The following TNRC6C variants were observed in gnomAD, a reference collection of about 807,000 sequenced individuals.
TNRC6C encodes the protein trinucleotide repeat containing adaptor 6C, also known as trinucleotide repeat-containing gene 6C protein.
Under a neutral mutation model 153.7 loss-of-function variants are expected in TNRC6C, and 20 were observed. The observed-to-expected ratio is 0.13, with a 90% confidence interval of 0.09 to 0.19. The LOEUF (loss-of-function observed/expected upper bound fraction) is 0.19. Ranked by LOEUF, TNRC6C falls within the 10% of genes least tolerant of loss-of-function variation. The probability of loss-of-function intolerance (pLI) is 1.00; values close to 1 mark genes in which losing one functional copy is unlikely to be tolerated. For missense variants in TNRC6C, 1,987 were observed against 2,172.0 expected (o/e 0.91, Z 1.69); for synonymous variants, 811 against 841.4 (o/e 0.96, Z 0.63).
At chr17:78,071,359 C>T (rs1480454932) in intron 6 of TNRC6C, among the ~76,000 whole-genome samples, 194 bp downstream of exon 8, 1 of 152,132 alleles carries the variant, frequency 6.6e-6, no homozygotes, top group Admixed American at 6.5e-5. Context: ...CTTTGAACTA[C>T]AGCAAAGACC....
In TNRC6C at chr17:78,086,926, T is replaced by C. The variant is rs2144504470; in HGVS notation, c.3635T>C (p.Val1212Ala). 7 of 1,612,680 alleles carry C rather than the reference T, an allele frequency of 4.3e-6. No individual in the cohort carries two copies. In the South Asian group the frequency reaches 6.6e-5, roughly 15 times the overall value. The stretch of plus-strand genomic sequence containing the variant: ...CGCCAGCTGGCCCAGGCCCTGCTCG[T>C]GAAGCAGCCACCACCGCCACCGCCC... The change falls in exon 13 of 20, where the codon GTG becomes GCG. Residue 1212 changes from valine (V) to alanine (A), a missense_variant. Transcript: ENST00000301624.
At chr17:77,962,500 A>C (rs2070869466) in intron 1 of TNRC6C, among the ~76,000 whole-genome samples, 1 of 152,234 alleles carries the variant, frequency 6.6e-6, no homozygotes. Flanking sequence ...ACCAAGAGCA[A>C]CTGAAGCTGG....
chr17:77,991,283 T>C (rs1019697072), intron 1 of TNRC6C, among the ~76,000 whole-genome samples: 16 of 152,194 alleles, frequency 1.1e-4, no homozygotes, highest in Non-Finnish European at 4.4e-5. Context: ...CAAACCCAAA[T>C]TTGTATGTGT....
At chr17:77,961,578 A>G (rs1860107067) in intron 1 of TNRC6C, among the ~76,000 whole-genome samples, 1 of 152,184 alleles carries the variant, frequency 6.6e-6, no homozygotes. Flanking sequence ...AACCTGGAGT[A>G]TATGTAAGTG....
intron 1 of TNRC6C, among the ~76,000 whole-genome samples, chr17:77,990,482 C>G (rs1326777051): frequency 6.6e-6 from 1 of 152,188 alleles, no homozygotes; most frequent in Non-Finnish European, 1.5e-5. Context: ...TGCCGTTTCT[C>G]AAACATCCTG....
exon 2 of TNRC6C, chr17:78,031,619 A>T: frequency 8.1e-7 from 1 of 1,232,492 alleles, no homozygotes; most frequent in Non-Finnish European, 1.0e-6. Flanking sequence ...GCAAACGTGC[A>T]TCTGCCAGTG....
At chr17:77,982,522 A>G (rs1315983737) in intron 1 of TNRC6C, among the ~76,000 whole-genome samples, 1 of 152,224 alleles carries the variant, frequency 6.6e-6, no homozygotes, top group Non-Finnish European at 1.5e-5. Flanking sequence ...ACAAAAAAGA[A>G]AAAAGGATCA....
intron 16 of TNRC6C, among the ~76,000 whole-genome samples, chr17:78,094,440 C>CT (rs199858938): frequency 0.055 from 7,544 of 136,904 alleles, 273 homozygotes; most frequent in African/African-American, 0.11. Flanking sequence ...TCTTTTGTTT[C>CT]TTTTTTTTTT....
chr17:78,068,754 C>T (rs1567949576), intron 5 of TNRC6C, among the ~76,000 whole-genome samples: 1 of 152,026 alleles, frequency 6.6e-6, no homozygotes, highest in Non-Finnish European at 1.5e-5. Flanking sequence ...GAGCCAAGAT[C>T]GCCTCACTGC....
intron 1 of TNRC6C, among the ~76,000 whole-genome samples, chr17:77,966,840 A>G (rs1325879044): frequency 1.3e-5 from 2 of 152,252 alleles, no homozygotes; most frequent in Non-Finnish European, 2.9e-5. Context: ...TCCCAGGTAT[A>G]TAGTAAATTT....
chr17:77,963,645 A>G (rs1222208996), intron 1 of TNRC6C, among the ~76,000 whole-genome samples: 1 of 152,186 alleles, frequency 6.6e-6, no homozygotes, highest in Non-Finnish European at 1.5e-5. Flanking sequence ...CAGCCATAAA[A>G]CATCACTGCT....
exon 20 of TNRC6C, chr17:78,105,608 T>TACAC (rs1486557177): frequency 6.6e-6 from 1 of 151,846 alleles, no homozygotes; most frequent in Non-Finnish European, 1.5e-5. Flanking sequence ...AGCCTACGTG[T>TACAC]GTGTATGTGT....
intron 5 of TNRC6C, 42 bp from the exon 8 acceptor site, chr17:78,071,043 A>C: frequency 6.5e-7 from 1 of 1,548,562 alleles, no homozygotes; most frequent in Non-Finnish European, 8.8e-7. Context: ...ATGCATTAAA[A>C]TGTAGCTCAT....
At chr17:78,000,187 A>G (rs186180490), upstream of TNRC6C, among the ~76,000 whole-genome samples, 6 of 152,292 alleles carry the variant, frequency 3.9e-5, no homozygotes, top group African/African-American at 1.2e-4. Context: ...CTCTATACCA[A>G]TGACTTTATT....
upstream of TNRC6C, chr17:78,003,997 CAG>C (rs1171405565): frequency 1.8e-6 from 1 of 555,654 alleles, no homozygotes; most frequent in East Asian, 1.4e-4. Context: ...CTGAAGAAGT[CAG>C]GGCAACCTGC....
At chr17:77,971,051 C>A (rs1413481842) in intron 1 of TNRC6C, among the ~76,000 whole-genome samples, 2 of 152,056 alleles carry the variant, frequency 1.3e-5, no homozygotes, top group Non-Finnish European at 2.9e-5. Context: ...GTATAAAATT[C>A]TTGTTTTAGT....
chr17:78,046,004 A>G (rs1168498211), intron 2 of TNRC6C, among the ~76,000 whole-genome samples: 1 of 151,906 alleles, frequency 6.6e-6, no homozygotes, highest in Non-Finnish European at 1.5e-5. Context: ...CAAAAATTGT[A>G]GTGTTGTGTC....
At chr17:78,016,940 A>G (rs902628948) in intron 1 of TNRC6C, among the ~76,000 whole-genome samples, 18 of 152,176 alleles carry the variant, frequency 1.2e-4, no homozygotes, top group African/African-American at 4.3e-4. Context: ...GAAGCTAAGT[A>G]ATTTATCCAG....
At chr17:77,993,951 A>T (rs2071289856) in intron 1 of TNRC6C, among the ~76,000 whole-genome samples, 1 of 152,052 alleles carries the variant, frequency 6.6e-6, no homozygotes, top group South Asian at 2.1e-4. Context: ...CCAGCACTGT[A>T]GGAGGCTGAG....
Sources: gnomAD v4.1 joint callset for allele counts (sites outside exome capture counted in the v4.1 genomes callset) on GRCh38, gnomAD v4.1.1 for gene constraint, MANE v1.5 for transcripts, NCBI Gene and HGNC (gene_info 2026-07-23, HGNC 2026-07-21) for gene names.